NALF1: variants seen among roughly 807,000 people sequenced by gnomAD.
NALF1 encodes NALCN channel auxiliary factor 1.
In NALF1, 3 loss-of-function variants were observed where a neutral mutation model predicts 48.4. The observed-to-expected ratio is 0.06, with a 90% CI of 0.03 to 0.16. The LOEUF (loss-of-function observed/expected upper bound fraction) is 0.16, where lower values mean the gene tolerates loss of function less well. NALF1 is among the 10% of genes least tolerant of loss of function. The pLI is 1.00. For synonymous variants in NALF1, 262 were observed against 245.7 expected (o/e 1.07, Z -0.62); for missense variants, 526 against 571.5 (o/e 0.92, Z 0.81).
chr13:107,293,937 A>C (rs1313004940), intron 1 of NALF1, among the ~76,000 whole-genome samples: 1 of 152,236 alleles, frequency 6.6e-6, no homozygotes, highest in Non-Finnish European at 1.5e-5. Context: ...CATAGAAGGC[A>C]AGAGTGGCAC....
chr13:107,330,809 G>A (rs192527759), intron 1 of NALF1, among the ~76,000 whole-genome samples: 2 of 152,290 alleles, frequency 1.3e-5, no homozygotes, highest in East Asian at 3.9e-4. Context: ...GAACACCATA[G>A]AATGCTCAAA....
At chr13:107,642,441 T>C (rs1880185371) in intron 1 of NALF1, among the ~76,000 whole-genome samples, 1 of 152,178 alleles carries the variant, frequency 6.6e-6, no homozygotes, top group Non-Finnish European at 1.5e-5. Context: ...AATAAAAAAA[T>C]AGACATCATA....
intron 1 of NALF1, among the ~76,000 whole-genome samples, chr13:107,454,623 G>A (rs1884795504): frequency 6.6e-6 from 1 of 152,154 alleles, no homozygotes; most frequent in African/African-American, 2.4e-5. Context: ...CCATATCACA[G>A]TTGTATATGT....
intron 1 of NALF1, among the ~76,000 whole-genome samples, chr13:107,727,855 C>A (rs987480784): frequency 3.3e-5 from 5 of 151,950 alleles, no homozygotes; most frequent in African/African-American, 1.2e-4. Flanking sequence ...CAACTGTATC[C>A]AAAAGTGGGC....
intron 1 of NALF1, among the ~76,000 whole-genome samples, chr13:107,452,894 C>G (rs1002869091): frequency 3.9e-5 from 6 of 152,184 alleles, no homozygotes; most frequent in African/African-American, 1.4e-4. Flanking sequence ...AACAAAGAAG[C>G]TACAGGCCCC....
At chr13:107,833,503 A>G (rs568450217) in intron 1 of NALF1, among the ~76,000 whole-genome samples, 7 of 152,236 alleles carry the variant, frequency 4.6e-5, no homozygotes, top group African/African-American at 1.7e-4. Flanking sequence ...TCTACATTCA[A>G]ATCTCCCTAT....
At chr13:107,803,569 A>G (rs1878685123) in intron 1 of NALF1, among the ~76,000 whole-genome samples, 1 of 152,140 alleles carries the variant, frequency 6.6e-6, no homozygotes, top group South Asian at 2.1e-4. Flanking sequence ...CTTTTTGTAC[A>G]GAATTGTATC....
chr13:107,747,301 CT>C (rs1394052400), intron 1 of NALF1, among the ~76,000 whole-genome samples: 1 of 152,176 alleles, frequency 6.6e-6, no homozygotes, highest in Admixed American at 6.5e-5. Flanking sequence ...TTCTCCATCT[CT>C]ATATTTAAAA....
chr13:107,246,294 C>T (rs1880582799), intron 1 of NALF1, among the ~76,000 whole-genome samples: 1 of 152,110 alleles, frequency 6.6e-6, no homozygotes, highest in Non-Finnish European at 1.5e-5. Flanking sequence ...ATCATACAGC[C>T]ATTTCTTTAC....
chr13:107,424,653 T>C (rs1884248607), intron 1 of NALF1, among the ~76,000 whole-genome samples: 1 of 152,174 alleles, frequency 6.6e-6, no homozygotes, highest in Non-Finnish European at 1.5e-5. Flanking sequence ...TGACAGTCAC[T>C]TGTAAAATGA....
chr13:107,318,335 T>C (rs992961739), intron 1 of NALF1, among the ~76,000 whole-genome samples: 1 of 152,148 alleles, frequency 6.6e-6, no homozygotes, highest in Non-Finnish European at 1.5e-5. Flanking sequence ...CGTATCTTTT[T>C]GCACAGAATG....
rs942652819 is a variant in NALF1, at chr13:107,700,161, T to C, written c.915+165521A>G. 5.3e-5 allele frequency among the ~76,000 whole-genome samples: 8 copies of C among 151,692 alleles called. No individual in the cohort carries two copies. The South Asian group carries it at 1.7e-3, about 32-fold the overall frequency. On this transcript the variant is annotated intron_variant, in intron 1 of 2. Coordinates refer to ENST00000375915, the MANE Select transcript of NALF1 (RefSeq NM_001080396.3). The stretch of plus-strand genomic sequence containing the variant: ...AGAAATAGAAAAAAAAGCCTCAAAA[T>C]TTATTCAGAACTAAAAAAAACCCTG...
chr13:107,406,845 T>G (rs1883908474), intron 1 of NALF1, among the ~76,000 whole-genome samples: 1 of 151,944 alleles, frequency 6.6e-6, no homozygotes, highest in African/African-American at 2.4e-5. Context: ...ATGGGAGAAA[T>G]TGTATTACCT....
intron 2 of NALF1, among the ~76,000 whole-genome samples, chr13:107,199,360 G>A (rs1347913137): frequency 6.6e-6 from 1 of 152,160 alleles, no homozygotes; most frequent in African/African-American, 2.4e-5. Flanking sequence ...CATTTTTGTT[G>A]CTGAAGCCCT....
intron 1 of NALF1, among the ~76,000 whole-genome samples, chr13:107,441,496 A>C (rs1884560088): frequency 6.6e-6 from 1 of 152,192 alleles, no homozygotes; most frequent in South Asian, 2.1e-4. Context: ...TTAGTCATGA[A>C]AGGAAAATGA....
chr13:107,540,519 C>T (rs888277072), intron 1 of NALF1, among the ~76,000 whole-genome samples: 6 of 151,984 alleles, frequency 3.9e-5, no homozygotes, highest in African/African-American at 1.4e-4. Context: ...TATATGCTCA[C>T]TAGAGGCAGA....
At chr13:107,416,216 C>A (rs1884086466) in intron 1 of NALF1, among the ~76,000 whole-genome samples, 2 of 150,178 alleles carry the variant, frequency 1.3e-5, no homozygotes, top group African/African-American at 4.9e-5. Flanking sequence ...GGGATTTCAA[C>A]GTGTTAGCCA....
chr13:107,581,213 G>A (rs559787700), intron 1 of NALF1, among the ~76,000 whole-genome samples: 46 of 152,196 alleles, frequency 3.0e-4, no homozygotes, highest in Admixed American at 7.9e-4. Flanking sequence ...CTGGGCAACT[G>A]CTGTGTCATT....
At chr13:107,552,169 A>G in intron 1 of NALF1, among the ~76,000 whole-genome samples, 1 of 152,200 alleles carries the variant, frequency 6.6e-6, no homozygotes, top group East Asian at 1.9e-4. Context: ...TGAGATAGAC[A>G]TATTCCCTTA....
Sources: gnomAD v4.1 joint callset for allele counts (sites outside exome capture counted in the v4.1 genomes callset) on GRCh38, gnomAD v4.1.1 for gene constraint, MANE v1.5 for transcripts, NCBI Gene and HGNC (gene_info 2026-07-23, HGNC 2026-07-21) for gene names.